The following ATP2B2 variants were observed in gnomAD, a reference collection of about 807,000 sequenced individuals.
ATP2B2 encodes ATPase plasma membrane Ca2+ transporting 2.
Under a neutral mutation model 120.0 loss-of-function variants are expected in ATP2B2, and 15 were observed. That is an observed-to-expected ratio of 0.12 (90% confidence interval 0.08 to 0.19). ATP2B2 has a LOEUF of 0.19. Ranked by LOEUF, ATP2B2 falls within the 10% of genes least tolerant of loss-of-function variation. ATP2B2 has a pLI of 1.00. For missense variants in ATP2B2, 1,045 were observed against 1,719.8 expected (o/e 0.61, Z 6.94); for synonymous variants, 694 against 700.3 (o/e 0.99, Z 0.14).
rs369193049 is a variant in ATP2B2 at position 10,421,625 on chromosome 3, C to T, written c.200-10810G>A. Among the ~76,000 whole-genome samples the T allele has an allele frequency of 1.2e-3, 184 of 152,314 alleles. 1 individual carries two copies. Among genetic ancestry groups the T allele is most frequent in the African/African-American group, 4.3e-3 (177 of 41,574 alleles). On this transcript the variant is annotated intron_variant, in intron 2 of 22. Coordinates refer to ENST00000360273, the MANE Select transcript of ATP2B2 (RefSeq NM_001001331.4). ...AGTTCGGCTGTCACAGCATCCCTGC[C>T]CTGATCCGCAACCTTCCATGGCTCC...
chr3:10,389,600 G>A (rs931561435), intron 5 of ATP2B2, among the ~76,000 whole-genome samples: 3 of 152,154 alleles, frequency 2.0e-5, no homozygotes, highest in African/African-American at 7.2e-5. Flanking sequence ...CAGGGGCTGG[G>A]GAAGGGAAAT....
At chr3:10,692,355 G>A (rs972626265) in intron 1 of ATP2B2, among the ~76,000 whole-genome samples, 6 of 152,158 alleles carry the variant, frequency 3.9e-5, no homozygotes, top group Admixed American at 2.0e-4. Flanking sequence ...TGTGGGCGCC[G>A]AGGCTTGCCG....
chr3:10,327,775 A>T lies in ATP2B2; in HGVS notation c.*1039T>A, dbSNP rs2059883824. The T allele has an allele frequency of 6.6e-6, 1 of 152,662 alleles. No homozygotes were observed. The highest frequency in any genetic ancestry group is 1.5e-5 in the Non-Finnish European group (1 of 68,044). The allele number at this position is 152,662 out of a possible 1,614,324, so 9.5% of individuals were successfully genotyped here. The stretch of plus-strand genomic sequence containing the variant: ...CCTCCTCTCCCTTCGTCTACGGAGC[A>T]TGTTGTTAAACCCCTCAGGATGGCA... On this transcript the variant is annotated 3_prime_UTR_variant, in exon 23 of 23. Transcript: ENST00000360273.
intron 2 of ATP2B2, among the ~76,000 whole-genome samples, chr3:10,577,091 G>T (rs1261724242): frequency 1.3e-5 from 2 of 150,618 alleles, no homozygotes; most frequent in Admixed American, 6.6e-5. Flanking sequence ...CCTGGGTATG[G>T]TCCTTGGGCC....
chr3:10,468,914 C>T (rs1282046755), intron 1 of ATP2B2, among the ~76,000 whole-genome samples: 2 of 152,250 alleles, frequency 1.3e-5, no homozygotes, highest in East Asian at 3.8e-4. Flanking sequence ...AAACACACTT[C>T]GGTAGTTTTG....
chr3:10,372,772 A>G (rs189533317), intron 11 of ATP2B2, among the ~76,000 whole-genome samples: 1 of 152,332 alleles, frequency 6.6e-6, no homozygotes, highest in East Asian at 1.9e-4. Flanking sequence ...ATATTCCTAT[A>G]CACAATATTT....
At chr3:10,605,426 C>T (rs1280783135) in intron 2 of ATP2B2, among the ~76,000 whole-genome samples, 2 of 152,222 alleles carry the variant, frequency 1.3e-5, no homozygotes, top group Non-Finnish European at 2.9e-5. Context: ...AGCCTCCTTG[C>T]CTCTGTTAGG....
At position 10,576,876 on chromosome 3, in the gene ATP2B2, A is replaced by C. The variant is rs536282308; in HGVS notation, c.-414-42743T>G. Among the ~76,000 whole-genome samples the C allele has an allele frequency of 1.7e-3, 254 of 152,034 alleles. 1 individual carries two copies. Among genetic ancestry groups the C allele is most frequent in the African/African-American group, 5.9e-3 (244 of 41,470 alleles). Reference sequence around the variant, plus strand: ...TCAGGAATTCGAGACCAGCCTGGTCAATATGGTGAAACCCCGTCTCTACTA... The same window carrying C: ...TCAGGAATTCGAGACCAGCCTGGTCCATATGGTGAAACCCCGTCTCTACTA... On this transcript the variant is annotated intron_variant, in intron 2 of 21. Transcript: ENST00000646379.
At chr3:10,486,818 C>G (rs974068477) in intron 1 of ATP2B2, among the ~76,000 whole-genome samples, 1 of 152,138 alleles carries the variant, frequency 6.6e-6, no homozygotes, top group South Asian at 2.1e-4. Flanking sequence ...CTCCTGGGTT[C>G]AAGCAATTCT....
chr3:10,602,027 C>G (rs77590009), intron 2 of ATP2B2, among the ~76,000 whole-genome samples: 4,933 of 152,322 alleles, frequency 0.032, 125 homozygotes, highest in Non-Finnish European at 0.048. Flanking sequence ...GTGAAGAAGG[C>G]CCAGGATGTC....
chr3:10,591,208 C>T (rs1271433377), intron 2 of ATP2B2, among the ~76,000 whole-genome samples: 2 of 152,222 alleles, frequency 1.3e-5, no homozygotes, highest in African/African-American at 4.8e-5. Flanking sequence ...GTGTAATTGA[C>T]TCATTAGTCC....
Position 10,516,962 on chromosome 3 carries a change from ATG to A in ATP2B2, c.-320+17075_-320+17076del, listed in dbSNP as rs112098821. 1.1e-3 allele frequency among the ~76,000 whole-genome samples: 161 copies of A among 149,172 alleles called. 1 individual carries two copies. Among genetic ancestry groups the A allele is most frequent in the Middle Eastern group, 6.9e-3 (2 of 290 alleles). On this transcript the variant is annotated intron_variant, in intron 3 of 21. Coordinates refer to the ATP2B2 transcript ENST00000646379. ...GCTTGTTTAGATCTACAATTTTCAG[ATG>A]TGTGTGTGTGTGTGTGTGTGTTTCT... is the stretch of plus-strand genomic sequence containing the variant.
In ATP2B2 at chr3:10,452,702, C is replaced by T. The variant is rs535881790; in HGVS notation, c.-319-2840G>A. 5.3e-5 allele frequency among the ~76,000 whole-genome samples: 8 copies of T among 152,282 alleles called. No individual in the cohort carries two copies. The South Asian group carries it at 1.0e-3, about 20-fold the overall frequency. On this transcript the variant is annotated intron_variant, in intron 1 of 22. Transcript: ENST00000360273. ...TCTCAGATGCTGGGGGAAGGCTGAA[C>T]CCCGCTGGAGGGGTGAGCGCTGGGG...
At chr3:10,403,153 T>A (rs1159259593) in intron 3 of ATP2B2, among the ~76,000 whole-genome samples, 1 of 152,192 alleles carries the variant, frequency 6.6e-6, no homozygotes, top group Non-Finnish European at 1.5e-5. Flanking sequence ...TAGGGATCAC[T>A]GAGACCACCT....
rs761133287 is a variant in ATP2B2, at chr3:10,360,105, C to T, written c.1678G>A (p.Ala560Thr). Residue 560 changes from alanine (A) to threonine (T), a missense_variant, in exon 13 of 23, where the codon GCC becomes ACC. By Grantham distance (58) the Ala-to-Thr change is moderately conservative. Transcript: ENST00000360273. ...TTGTTGCCCACCTGCCGAGGCAGGG[C>T]GCCCTCCTTCTCTGGGGGCTGCAGA... Reference protein sequence around the residue: ...TKILPPEKEGALPRQVGNKTE... With the variant: ...TKILPPEKEGTLPRQVGNKTE... The T allele has an allele frequency of 5.0e-6, 8 of 1,599,060 alleles. No individual in the cohort carries two copies. The highest frequency in any genetic ancestry group is 2.2e-5 in the East Asian group (1 of 44,582).
intron 1 of ATP2B2, among the ~76,000 whole-genome samples, chr3:10,500,094 C>T (rs998428458): frequency 3.3e-5 from 5 of 151,950 alleles, no homozygotes; most frequent in Non-Finnish European, 7.4e-5. Context: ...ACCACCAGGC[C>T]CGGCTAACTT....
At chr3:10,528,343 C>G (rs1263199611) in intron 3 of ATP2B2, among the ~76,000 whole-genome samples, 4 of 152,244 alleles carry the variant, frequency 2.6e-5, no homozygotes, top group Non-Finnish European at 4.4e-5. Context: ...CCAAACAGCA[C>G]AGAATCTTGC....
intron 2 of ATP2B2, among the ~76,000 whole-genome samples, chr3:10,605,521 C>A (rs1007551626): frequency 6.6e-6 from 1 of 152,160 alleles, no homozygotes; most frequent in Non-Finnish European, 1.5e-5. Flanking sequence ...GTTCTGGGAA[C>A]CAGAGCTGGG....
At chr3:10,571,334 C>T (rs1410295710) in intron 2 of ATP2B2, among the ~76,000 whole-genome samples, 2 of 152,210 alleles carry the variant, frequency 1.3e-5, no homozygotes, top group African/African-American at 4.8e-5. Flanking sequence ...AGCAGGGATG[C>T]CAGAGGGCCA....
Sources: gnomAD v4.1 joint callset for allele counts (sites outside exome capture counted in the v4.1 genomes callset) on GRCh38, gnomAD v4.1.1 for gene constraint, MANE v1.5 for transcripts, NCBI Gene and HGNC (gene_info 2026-07-23, HGNC 2026-07-21) for gene names.